PEX7: variants seen among roughly 807,000 people sequenced by gnomAD.
The protein encoded by PEX7 is peroxisomal biogenesis factor 7.
In PEX7, 34 loss-of-function variants were observed where a neutral mutation model predicts 47.5. That is an observed-to-expected ratio of 0.72 (90% confidence interval 0.54 to 0.95). PEX7 has a LOEUF of 0.95. PEX7 is among the 40% of genes least tolerant of loss of function. The probability of loss-of-function intolerance (pLI) is 0.00; values close to 1 mark genes in which losing one functional copy is unlikely to be tolerated. For synonymous variants in PEX7, 141 were observed against 148.8 expected (o/e 0.95, Z 0.38); for missense variants, 394 against 400.3 (o/e 0.98, Z 0.13).
At chr6:136,854,926 A>G (rs1021949851) in intron 5 of PEX7, among the ~76,000 whole-genome samples, 2 of 151,952 alleles carry the variant, frequency 1.3e-5, no homozygotes, top group Admixed American at 6.6e-5. Context: ...CTGTCTCTAC[A>G]AAAATACAAA....
intron 1 of PEX7, among the ~76,000 whole-genome samples, chr6:136,823,933 G>C (rs778401223): frequency 2.0e-5 from 3 of 152,172 alleles, no homozygotes; most frequent in Non-Finnish European, 2.9e-5. Context: ...ATGAAAAGGC[G>C]TAGGTTCATT....
chr6:136,826,584 A>G (rs906329801), intron 3 of PEX7, 115 bp downstream of exon 3: 3 of 1,196,118 alleles, frequency 2.5e-6, no homozygotes, highest in African/African-American at 3.0e-5. Context: ...AAACGTTAGC[A>G]TTTCTTATAC....
chr6:136,828,333 C>T (rs1774234547), intron 3 of PEX7, among the ~76,000 whole-genome samples: 1 of 152,134 alleles, frequency 6.6e-6, no homozygotes, highest in Admixed American at 6.5e-5. Flanking sequence ...TCTAGGATAT[C>T]CTGGATGGAT....
chr6:136,872,058 G>C, intron 7 of PEX7, 140 bp from the exon 8 acceptor site: 1 of 708,850 alleles, frequency 1.4e-6, no homozygotes, highest in East Asian at 2.7e-5. Context: ...TAGCATATAT[G>C]CTTTGAAAAA....
Position 136,826,351 on chromosome 6 carries a change from C to T in PEX7, c.221C>T (p.Thr74Ile). ...FDWNDGLFDVTWSENNEHVLI... is the reference protein window; with the variant it reads ...FDWNDGLFDVIWSENNEHVLI... ...TGGAATGATGGTTTGTTTGATGTGA[C>T]TTGGAGTGAGAACAACGAACATGTC... Residue 74 changes from threonine to isoleucine, a missense_variant, in exon 3 of 10, where the codon ACT becomes ATT. Coordinates refer to ENST00000318471, the MANE Select transcript of PEX7 (RefSeq NM_000288.4). The T allele has an allele frequency of 6.2e-7, 1 of 1,613,858 alleles. No homozygotes were observed. The highest frequency in any genetic ancestry group is 2.2e-5 in the East Asian group (1 of 44,864).
At chr6:136,838,247 C>G (rs1331960109) in intron 3 of PEX7, among the ~76,000 whole-genome samples, 1 of 152,114 alleles carries the variant, frequency 6.6e-6, no homozygotes, top group Non-Finnish European at 1.5e-5. Flanking sequence ...TAATTGGAAG[C>G]TAAAAAACAT....
At chr6:136,898,367 T>TA in intron 9 of PEX7, 126 bp downstream of exon 9, 1 of 712,824 alleles carries the variant, frequency 1.4e-6, no homozygotes, top group Non-Finnish European at 2.6e-6. Flanking sequence ...GTTTGAGCAT[T>TA]AAACTACTAG....
At chr6:136,843,077 G>A (rs779998700) in intron 3 of PEX7, among the ~76,000 whole-genome samples, 7 of 152,262 alleles carry the variant, frequency 4.6e-5, no homozygotes, top group Non-Finnish European at 8.8e-5. Flanking sequence ...AAGAAGTTCT[G>A]ATTCAACAGT....
chr6:136,911,175 A>G (rs1192414527), intron 9 of PEX7, among the ~76,000 whole-genome samples: 3 of 151,854 alleles, frequency 2.0e-5, no homozygotes, highest in Admixed American at 6.6e-5. Context: ...GAAGAGTAAC[A>G]TTGTTCTGAC....
At chr6:136,837,769 A>G (rs1774418614) in intron 3 of PEX7, among the ~76,000 whole-genome samples, 1 of 151,942 alleles carries the variant, frequency 6.6e-6, no homozygotes, top group Admixed American at 6.6e-5. Context: ...CGAAGATGAG[A>G]CTATTGGAAC....
intron 3 of PEX7, among the ~76,000 whole-genome samples, chr6:136,834,548 T>A (rs61566707): frequency 0.072 from 10,905 of 152,278 alleles, 1,363 homozygotes; most frequent in African/African-American, 0.25. Flanking sequence ...GAAGAGCCTC[T>A]ACAAAAGTTA....
intron 5 of PEX7, among the ~76,000 whole-genome samples, chr6:136,863,856 C>T (rs893720881): frequency 2.6e-5 from 4 of 152,162 alleles, no homozygotes; most frequent in African/African-American, 7.2e-5. Flanking sequence ...TTGCAGTGAG[C>T]TGAGATCGCA....
chr6:136,912,552 T>C (rs1775949861), intron 9 of PEX7, among the ~76,000 whole-genome samples: 1 of 152,216 alleles, frequency 6.6e-6, no homozygotes, highest in African/African-American at 2.4e-5. Flanking sequence ...GGCCTATTTC[T>C]GAACTCTGTT....
chr6:136,873,879 G>A (rs1775222897), intron 8 of PEX7, among the ~76,000 whole-genome samples: 1 of 152,030 alleles, frequency 6.6e-6, no homozygotes, highest in Admixed American at 6.6e-5. Flanking sequence ...CAGCATTTAT[G>A]GAGATAATCA....
In PEX7 at chr6:136,874,236, G is replaced by C. The variant is rs146372167; in HGVS notation, c.803+1983G>C. 5.8e-3 allele frequency among the ~76,000 whole-genome samples: 881 copies of C among 152,302 alleles called. 15 individuals are homozygous for C. The highest frequency in any genetic ancestry group is 0.02 in the African/African-American group (830 of 41,562). On this transcript the variant is annotated intron_variant, in intron 8 of 9. Transcript: ENST00000318471. ...GTAGGATTGCTCTGCAAAACTAGTG[G>C]AGCATGGTGCTTTTTGTGGAGTACT...
At chr6:136,863,427 G>GA (rs1046142363) in intron 5 of PEX7, among the ~76,000 whole-genome samples, 30 of 151,212 alleles carry the variant, frequency 2.0e-4, no homozygotes, top group African/African-American at 6.8e-4. Flanking sequence ...ATCAAAAAAG[G>GA]AAAAAAAATC....
chr6:136,830,299 T>G, intron 3 of PEX7: 1 of 377,036 alleles, frequency 2.7e-6, no homozygotes, highest in Non-Finnish European at 4.7e-6. Flanking sequence ...TTGAAAAATG[T>G]AAAACAAGTT....
chr6:136,867,808 TA>T (rs1332516094), intron 6 of PEX7, among the ~76,000 whole-genome samples: 2 of 151,216 alleles, frequency 1.3e-5, no homozygotes, highest in East Asian at 3.9e-4. Flanking sequence ...CAAAAAACTT[TA>T]AAAAAAATTA....
At chr6:136,872,323 G>T (rs1774071832) in intron 8 of PEX7, 70 bp downstream of exon 8, 6 of 1,123,720 alleles carry the variant, frequency 5.3e-6, no homozygotes, top group Non-Finnish European at 6.7e-6. Flanking sequence ...ACTTTTATAA[G>T]AGATAATATG....
Sources: gnomAD v4.1 joint callset for allele counts (sites outside exome capture counted in the v4.1 genomes callset) on GRCh38, gnomAD v4.1.1 for gene constraint, MANE v1.5 for transcripts, NCBI Gene and HGNC (gene_info 2026-07-23, HGNC 2026-07-21) for gene names.